Variants in GALNT18 observed in about 807,000 individuals in gnomAD.
The protein encoded by GALNT18 is polypeptide N-acetylgalactosaminyltransferase 18.
A neutral mutation model predicts 69.5 loss-of-function variants in GALNT18; 44 were observed. The observed-to-expected ratio is 0.63, with a 90% CI of 0.50 to 0.81. The LOEUF is 0.81. Among genes scored for constraint, GALNT18 ranks in the 40% least tolerant of loss-of-function variants. GALNT18 has a pLI of 0.00. For synonymous variants in GALNT18, 364 were observed against 318.2 expected (o/e 1.14, Z -1.53); for missense variants, 715 against 810.0 (o/e 0.88, Z 1.42).
At chr11:11,308,655 C>T (rs1849619216) in intron 9 of GALNT18, among the ~76,000 whole-genome samples, 3 of 152,258 alleles carry the variant, frequency 2.0e-5, no homozygotes, top group South Asian at 4.2e-4. Flanking sequence ...CCCCTGGTGC[C>T]TCTTCTACAC....
intron 1 of GALNT18, among the ~76,000 whole-genome samples, chr11:11,559,945 T>A (rs1193108429): frequency 8.3e-6 from 1 of 121,072 alleles, no homozygotes; most frequent in East Asian, 2.6e-4. Context: ...TGGGATAGAA[T>A]AGAATGGGAT....
chr11:11,510,748 G>A (rs1371821648), intron 1 of GALNT18, among the ~76,000 whole-genome samples: 1 of 152,180 alleles, frequency 6.6e-6, no homozygotes, highest in Non-Finnish European at 1.5e-5. Context: ...TCTAGGCTGT[G>A]ATCTTCTCTA....
At chr11:11,358,114 T>A (rs1174134401) in intron 6 of GALNT18, among the ~76,000 whole-genome samples, 3 of 142,548 alleles carry the variant, frequency 2.1e-5, no homozygotes, top group Non-Finnish European at 4.7e-5. Flanking sequence ...AAATCTCTTC[T>A]GTTTTCAGAA....
chr11:11,425,691 G>A (rs75709824), intron 3 of GALNT18, among the ~76,000 whole-genome samples: 18,933 of 152,068 alleles, frequency 0.12, 1,397 homozygotes, highest in East Asian at 0.27. Context: ...CAGCTGGAGA[G>A]GGAACCTGAA....
In GALNT18 at chr11:11,582,261, A is replaced by T. The variant is rs1859104980; in HGVS notation, c.235+39098T>A. ...CAAGCTGATGGGTCAGAGCAGAATG[A>T]GAGGCTTCAGAGAGTGGAGGGAGAA... is the stretch of plus-strand genomic sequence containing the variant. On this transcript the variant is annotated intron_variant, in intron 1 of 10. Transcript: ENST00000227756. This position sits in a 1 kb window ranked among gnomAD's most constrained non-coding sequence, Gnocchi z 5.0. Among the ~76,000 whole-genome samples the T allele has an allele frequency of 6.6e-6, 1 of 152,210 alleles. No homozygotes were observed. Among genetic ancestry groups the T allele is most frequent in the Non-Finnish European group, 1.5e-5 (1 of 68,036 alleles).
intron 9 of GALNT18, among the ~76,000 whole-genome samples, chr11:11,298,057 CCA>C (rs1162468173): frequency 6.6e-5 from 10 of 152,352 alleles, no homozygotes; most frequent in African/African-American, 2.4e-4. Flanking sequence ...GCCTTTAGAG[CCA>C]CAGAGTCGAG....
intron 9 of GALNT18, among the ~76,000 whole-genome samples, chr11:11,301,086 G>T (rs1849486579): frequency 6.6e-6 from 1 of 152,122 alleles, no homozygotes; most frequent in Non-Finnish European, 1.5e-5. Flanking sequence ...CCATAGGAGG[G>T]CAAGAAAAGA....
At chr11:11,392,803 T>C (rs1246316325) in intron 3 of GALNT18, among the ~76,000 whole-genome samples, 1 of 152,222 alleles carries the variant, frequency 6.6e-6, no homozygotes, top group Non-Finnish European at 1.5e-5. Context: ...TTTTAAATTT[T>C]ATTTTTAATT....
chr11:11,570,760 T>C (rs1008600662), intron 1 of GALNT18, among the ~76,000 whole-genome samples: 17 of 152,234 alleles, frequency 1.1e-4, no homozygotes, highest in Admixed American at 1.1e-3. Context: ...AAGGCAATGA[T>C]CTCAGGTCTC....
intron 1 of GALNT18, among the ~76,000 whole-genome samples, chr11:11,594,449 A>G (rs971982789): frequency 6.6e-6 from 1 of 152,152 alleles, no homozygotes; most frequent in East Asian, 1.9e-4. Flanking sequence ...GAAACCCTGT[A>G]CCCACTAGCA....
At chr11:11,348,193 C>G (rs927381450) in intron 6 of GALNT18, among the ~76,000 whole-genome samples, 1 of 151,286 alleles carries the variant, frequency 6.6e-6, no homozygotes, top group African/African-American at 2.5e-5. Flanking sequence ...GCCTGGCCAA[C>G]ATGGTGAAAC....
At chr11:11,588,250 A>T (rs1040542993) in intron 1 of GALNT18, among the ~76,000 whole-genome samples, 1 of 151,986 alleles carries the variant, frequency 6.6e-6, no homozygotes, top group Non-Finnish European at 1.5e-5. Flanking sequence ...ACTTCTGTCC[A>T]TGTCTCCACT....
At chr11:11,440,317 G>A (rs1381381916) in intron 2 of GALNT18, among the ~76,000 whole-genome samples, 1 of 152,212 alleles carries the variant, frequency 6.6e-6, no homozygotes, top group African/African-American at 2.4e-5. Flanking sequence ...TGAATGAACA[G>A]CCACCCAGGG....
chr11:11,386,255 A>G (rs1564922860), intron 3 of GALNT18, among the ~76,000 whole-genome samples: 1 of 152,194 alleles, frequency 6.6e-6, no homozygotes, highest in East Asian at 1.9e-4. Flanking sequence ...CCAGGATGAT[A>G]GAGTCCAGGT....
At chr11:11,280,795 T>C (rs1849056942) in intron 10 of GALNT18, among the ~76,000 whole-genome samples, 1 of 152,146 alleles carries the variant, frequency 6.6e-6, no homozygotes, top group Non-Finnish European at 1.5e-5. Flanking sequence ...TGGGGCCACA[T>C]GGTGCTCCTG....
chr11:11,377,207 G>A lies in GALNT18; in HGVS notation c.952C>T (p.Leu318=). The change falls in exon 5 of 11, where the codon CTG becomes TTG. Residue 318 remains leucine (L), a synonymous_variant. Coordinates refer to ENST00000227756, the MANE Select transcript of GALNT18 (RefSeq NM_198516.3). The surrounding 1 kb of genome is among the most constrained non-coding windows in gnomAD (Gnocchi z 4.6). Reference sequence around the variant, plus strand: ...CTGATTGGCGCTGTGGAGTTCTCCAGCTTCCACCAGGCCTTGGGGGGATTT... The same window carrying A: ...CTGATTGGCGCTGTGGAGTTCTCCAACTTCCACCAGGCCTTGGGGGGATTT... ...YLNPPKAWWK[L]ENSTAPIRSP... is the part of the protein sequence containing the mutation. The A allele has an allele frequency of 6.2e-7, 1 of 1,613,330 alleles. No homozygotes were observed. Among genetic ancestry groups the A allele is most frequent in the Non-Finnish European group, 8.5e-7 (1 of 1,180,012 alleles).
chr11:11,286,864 G>C (rs911809519), intron 10 of GALNT18, among the ~76,000 whole-genome samples: 1 of 152,190 alleles, frequency 6.6e-6, no homozygotes, highest in African/African-American at 2.4e-5. Context: ...GGCCCAGTGA[G>C]AATTCTAGGT....
Position 11,546,342 on chromosome 11 carries a change from ATCCTGCCAC to A in GALNT18, c.235+75008_235+75016del, listed in dbSNP as rs1206806311. Among the ~76,000 whole-genome samples the A allele has an allele frequency of 6.6e-6, 1 of 151,932 alleles. No individual in the cohort carries two copies. Among genetic ancestry groups the A allele is most frequent in the Non-Finnish European group, 1.5e-5 (1 of 67,984 alleles). Reference sequence around the variant, plus strand: ...CTGTCTTATCCTCCCCATGCACTAGATCCTGCCACTGCTGCCTCTTTATTCTCTCCATTT... The same window carrying A: ...CTGTCTTATCCTCCCCATGCACTAGATGCTGCCTCTTTATTCTCTCCATTT... On this transcript the variant is annotated intron_variant, in intron 1 of 10. Transcript: ENST00000227756. This position sits in a 1 kb window ranked among gnomAD's most constrained non-coding sequence, Gnocchi z 5.8.
At chr11:11,405,450 G>A (rs1854568780) in intron 3 of GALNT18, among the ~76,000 whole-genome samples, 1 of 152,180 alleles carries the variant, frequency 6.6e-6, no homozygotes, top group Non-Finnish European at 1.5e-5. Flanking sequence ...GGAGGTGGAA[G>A]GGTGTCGCAG....
Sources: gnomAD v4.1 joint callset for allele counts (sites outside exome capture counted in the v4.1 genomes callset) on GRCh38, gnomAD v4.1.1 for gene constraint, Gnocchi (gnomAD v3.1) non-coding constraint, MANE v1.5 for transcripts, NCBI Gene and HGNC (gene_info 2026-07-23, HGNC 2026-07-21) for gene names.